The following NEDD4 variants were observed in gnomAD, a reference collection of about 807,000 sequenced individuals.
The protein encoded by NEDD4 is NEDD4 E3 ubiquitin protein ligase, also known as E3 ubiquitin-protein ligase NEDD4.
In NEDD4, 99 loss-of-function variants were observed where a neutral mutation model predicts 144.9. The observed-to-expected ratio is 0.68, with a 90% confidence interval of 0.58 to 0.81. NEDD4 has a LOEUF of 0.81. NEDD4 is among the 30% of genes least tolerant of loss of function. NEDD4 has a pLI of 0.00. For synonymous variants in NEDD4, 318 were observed against 350.6 expected (o/e 0.91, Z 1.04); for missense variants, 985 against 1,065.9 (o/e 0.92, Z 1.06).
At chr15:55,969,604 C>A (rs529747022) in intron 1 of NEDD4, among the ~76,000 whole-genome samples, 1 of 152,208 alleles carries the variant, frequency 6.6e-6, no homozygotes, top group South Asian at 2.1e-4. Context: ...CAACCAGAGT[C>A]CTGAAGCCCC....
intron 2 of NEDD4, among the ~76,000 whole-genome samples, chr15:55,953,272 A>C (rs2037277905): frequency 6.6e-6 from 1 of 151,810 alleles, no homozygotes; most frequent in Non-Finnish European, 1.5e-5. Context: ...TACCCACGTG[A>C]GCCATAGCGC....
At chr15:55,867,014 C>T (rs935606384) in intron 8 of NEDD4, among the ~76,000 whole-genome samples, 6 of 152,160 alleles carry the variant, frequency 3.9e-5, no homozygotes, top group South Asian at 2.1e-4. Context: ...AGAGGTACAA[C>T]CAACATTTTA....
At chr15:55,847,583 G>C (rs1021571415) in intron 17 of NEDD4, among the ~76,000 whole-genome samples, 5 of 151,924 alleles carry the variant, frequency 3.3e-5, no homozygotes, top group Admixed American at 2.0e-4. Context: ...TCTGACTCAA[G>C]AGTAGTACAA....
chr15:55,897,195 G>A (rs1012648967), intron 5 of NEDD4, among the ~76,000 whole-genome samples: 6 of 152,034 alleles, frequency 3.9e-5, no homozygotes, highest in Admixed American at 1.3e-4. Context: ...GGATGGTCTC[G>A]ATCTCCTGAC....
chr15:55,888,054 C>A (rs1165880435), intron 5 of NEDD4, among the ~76,000 whole-genome samples: 3 of 152,098 alleles, frequency 2.0e-5, no homozygotes, highest in Non-Finnish European at 2.9e-5. Context: ...AAACTAAAAG[C>A]CTTTCCTCTA....
intron 4 of NEDD4, 133 bp downstream of exon 4, chr15:55,951,243 C>G: frequency 2.1e-6 from 1 of 471,024 alleles, no homozygotes; most frequent in Admixed American, 4.3e-5. Context: ...AATTTCAATT[C>G]CTTTTGTATT....
At chr15:55,840,001 T>A (rs377672502) in intron 21 of NEDD4, among the ~76,000 whole-genome samples, 2,052 of 13,800 alleles carry the variant, frequency 0.15, 50 homozygotes, top group South Asian at 0.18. Context: ...AAAAAAAAAA[T>A]ATATATATAT....
rs2036619443 is a variant in NEDD4 at position 55,924,097 on chromosome 15, A to G, written c.291+549T>C. Reference sequence around the variant, plus strand: ...ATCAGAACAATCATTTTATAAAAAGAACATCAGGTTTAACTTTGCTTTTTG... The same window carrying G: ...ATCAGAACAATCATTTTATAAAAAGGACATCAGGTTTAACTTTGCTTTTTG... On this transcript the variant is annotated intron_variant, in intron 5 of 28. Transcript: ENST00000435532. Among the ~76,000 whole-genome samples the G allele has an allele frequency of 5.9e-5, 9 of 152,322 alleles. No homozygotes were observed. The South Asian group carries it at 1.9e-3, about 32-fold the overall frequency.
At chr15:55,955,493 C>G (rs1345608281) in intron 2 of NEDD4, among the ~76,000 whole-genome samples, 1 of 152,170 alleles carries the variant, frequency 6.6e-6, no homozygotes, top group African/African-American at 2.4e-5. Context: ...CACCCCAACA[C>G]AGCAACCAGC....
At chr15:55,850,046 C>T (rs550906621) in intron 14 of NEDD4, among the ~76,000 whole-genome samples, 3 of 152,116 alleles carry the variant, frequency 2.0e-5, no homozygotes, top group Non-Finnish European at 4.4e-5. Flanking sequence ...TGATCTCCCC[C>T]CTCGGCCTCC....
intron 7 of NEDD4, among the ~76,000 whole-genome samples, chr15:55,870,832 T>A (rs2034766655): frequency 6.6e-6 from 1 of 152,186 alleles, no homozygotes; most frequent in African/African-American, 2.4e-5. Context: ...AAGGTTCTAA[T>A]TTAAGGCTTA....
intron 5 of NEDD4, among the ~76,000 whole-genome samples, chr15:55,903,839 A>AAC (rs201876442): frequency 0.056 from 5,931 of 105,948 alleles, 201 homozygotes; most frequent in Non-Finnish European, 0.076. Flanking sequence ...AAAAAAAAAA[A>AAC]ACACACATAT....
chr15:55,983,925 T>G (rs1173032200), intron 1 of NEDD4, among the ~76,000 whole-genome samples: 1 of 152,158 alleles, frequency 6.6e-6, no homozygotes, highest in Admixed American at 6.5e-5. Context: ...ATAAATACTT[T>G]CATCTTACAC....
intron 5 of NEDD4, among the ~76,000 whole-genome samples, chr15:55,913,643 A>C (rs1367750690): frequency 1.3e-5 from 2 of 152,070 alleles, no homozygotes; most frequent in Non-Finnish European, 2.9e-5. Context: ...TGATTGTCAC[A>C]AAAAATATTT....
Position 55,827,691 on chromosome 15 carries a change from G to T in NEDD4, c.*2206C>A, listed in dbSNP as rs2032757713. 2 of 152,176 alleles carry T rather than the reference G, an allele frequency of 1.3e-5. No individual in the cohort carries two copies. The highest frequency in any genetic ancestry group is 4.2e-4 in the South Asian group (2 of 4,818). The allele number at this position is 152,176 out of a possible 1,614,324, so 9.4% of individuals were successfully genotyped here. A position where few individuals can be genotyped will look rare whatever the true frequency, so the allele number is the denominator to read the frequency against. On this transcript the variant is annotated 3_prime_UTR_variant, in exon 29 of 29. Coordinates refer to ENST00000435532, the MANE Select transcript of NEDD4 (RefSeq NM_006154.4). ...GATATGAAGAAAATGAATTATGATG[G>T]TAAGATCCATATACAGATATACACA...
intron 5 of NEDD4, among the ~76,000 whole-genome samples, chr15:55,890,721 GCC>G (rs2035544551): frequency 6.6e-6 from 1 of 152,094 alleles, no homozygotes. Context: ...CTAAAAATCT[GCC>G]AGACCGTTTT....
intron 4 of NEDD4, among the ~76,000 whole-genome samples, chr15:55,942,323 T>C (rs62045167): frequency 0.083 from 12,571 of 152,146 alleles, 603 homozygotes; most frequent in Admixed American, 0.12. Flanking sequence ...TTTCTGGTGT[T>C]TGTATGGTAT....
chr15:55,842,121 T>C lies in NEDD4; in HGVS notation c.1651A>G (p.Thr551Ala), dbSNP rs753589023. 2.5e-6 allele frequency: 4 copies of C among 1,614,162 alleles called. No homozygotes were observed. The highest frequency in any genetic ancestry group is 2.2e-5 in the South Asian group (2 of 91,078). ...CTCCGGTAAGAGTCTTCAAGAACAG[T>C]TGCTCGGCGAAGTTTCATTTCAAAT... ...NKFEMKLRRATVLEDSYRRIM... is the reference protein window; with the variant it reads ...NKFEMKLRRAAVLEDSYRRIM... Residue 551 changes from threonine to alanine, a missense_variant, in exon 19 of 29, where the codon ACT becomes GCT. By Grantham distance (58) the Thr-to-Ala change is moderately conservative. Transcript: ENST00000435532.
intron 1 of NEDD4, among the ~76,000 whole-genome samples, chr15:55,992,403 A>G (rs1034666044): frequency 6.6e-6 from 1 of 152,366 alleles, no homozygotes; most frequent in East Asian, 1.9e-4. Context: ...AGAGAAGTGT[A>G]AAATGTTTGA....
Sources: gnomAD v4.1 joint callset for allele counts (sites outside exome capture counted in the v4.1 genomes callset) on GRCh38, gnomAD v4.1.1 for gene constraint, MANE v1.5 for transcripts, NCBI Gene and HGNC (gene_info 2026-07-23, HGNC 2026-07-21) for gene names.